The following LHFPL3 variants were observed in gnomAD, a reference collection of about 807,000 sequenced individuals.
LHFPL3 encodes LHFPL tetraspan subfamily member 3 protein.
Under a neutral mutation model 19.3 loss-of-function variants are expected in LHFPL3, and 5 were observed. The observed-to-expected ratio is 0.26, with a 90% CI of 0.14 to 0.54. The LOEUF is 0.54. LHFPL3 is among the 20% of genes least tolerant of loss of function. The pLI is 0.94. For missense variants in LHFPL3, 249 were observed against 307.4 expected (o/e 0.81, Z 1.42); for synonymous variants, 133 against 126.2 (o/e 1.05, Z -0.36).
At chr7:104,460,474 A>G (rs1261567419) in intron 1 of LHFPL3, among the ~76,000 whole-genome samples, 1 of 152,212 alleles carries the variant, frequency 6.6e-6, no homozygotes, top group Non-Finnish European at 1.5e-5. Context: ...CCAACAGTGT[A>G]TAAGTGTTCC....
Position 104,810,318 on chromosome 7 carries a change from A to G in LHFPL3, c.682+73407A>G, listed in dbSNP as rs201493995. On this transcript the variant is annotated intron_variant, in intron 2 of 2. Transcript: ENST00000424859. ...TTGGCATGATCAGACTGTGGCTCAG[A>G]AGGGTGGAAATCAAATTGAAAAAGC... Among the ~76,000 whole-genome samples the G allele has an allele frequency of 3.3e-4, 51 of 152,252 alleles. No homozygotes were observed. In the East Asian group the frequency reaches 5.4e-3, roughly 16 times the overall value.
chr7:104,408,864 C>CTTTCTTTTTTTTTT (rs1791475665), intron 1 of LHFPL3, among the ~76,000 whole-genome samples: 1 of 105,436 alleles, frequency 9.5e-6, no homozygotes, highest in African/African-American at 3.7e-5. Context: ...AATTTTCTTT[C>CTTTCTTTTTTTTTT]TTTTTTTTTT....
At chr7:104,811,175 CTT>C (rs749608427) in intron 2 of LHFPL3, among the ~76,000 whole-genome samples, 2 of 99,390 alleles carry the variant, frequency 2.0e-5, no homozygotes, top group African/African-American at 6.7e-5. Context: ...TCTTTCTTTT[CTT>C]TTCTTTTCTT....
intron 1 of LHFPL3, among the ~76,000 whole-genome samples, chr7:104,718,938 A>T (rs1443499330): frequency 6.6e-6 from 1 of 152,090 alleles, no homozygotes; most frequent in Non-Finnish European, 1.5e-5. Flanking sequence ...GAGAATGGTG[A>T]TCCTGTTCAT....
intron 2 of LHFPL3, among the ~76,000 whole-genome samples, chr7:104,817,587 C>A (rs1790579872): frequency 6.6e-6 from 1 of 152,196 alleles, no homozygotes; most frequent in Admixed American, 6.5e-5. Context: ...TGGTAGATAG[C>A]TGAGGACAAA....
intron 1 of LHFPL3, among the ~76,000 whole-genome samples, chr7:104,584,522 T>G (rs1384341990): frequency 6.6e-6 from 1 of 152,118 alleles, no homozygotes; most frequent in Admixed American, 6.6e-5. Context: ...TAGAGAAGTT[T>G]TGCCACAATT....
At chr7:104,491,104 C>T (rs1195874597) in intron 1 of LHFPL3, among the ~76,000 whole-genome samples, 1 of 152,116 alleles carries the variant, frequency 6.6e-6, no homozygotes, top group Non-Finnish European at 1.5e-5. Flanking sequence ...CCATGGGCCT[C>T]AGTCCAACTA....
intron 2 of LHFPL3, among the ~76,000 whole-genome samples, chr7:104,799,078 T>C (rs748734903): frequency 6.6e-6 from 1 of 152,228 alleles, no homozygotes; most frequent in Non-Finnish European, 1.5e-5. Context: ...GCAGAATACC[T>C]GTGTAATTTT....
chr7:104,440,166 T>G (rs1792194906), intron 1 of LHFPL3, among the ~76,000 whole-genome samples: 1 of 151,110 alleles, frequency 6.6e-6, no homozygotes, highest in South Asian at 2.1e-4. Context: ...ACCCTAAAAC[T>G]TAAAGTATAA....
chr7:104,887,212 A>G (rs1243338945), intron 2 of LHFPL3, among the ~76,000 whole-genome samples: 2 of 152,224 alleles, frequency 1.3e-5, no homozygotes, highest in African/African-American at 4.8e-5. Flanking sequence ...CCTTGTAGGA[A>G]ATAACTGAAG....
At chr7:104,556,957 A>G (rs1175336374) in intron 1 of LHFPL3, among the ~76,000 whole-genome samples, 1 of 152,208 alleles carries the variant, frequency 6.6e-6, no homozygotes, top group Non-Finnish European at 1.5e-5. Flanking sequence ...TTGCTAAAAC[A>G]TAGCAAGAGC....
chr7:104,384,218 A>C (rs1161004613), intron 1 of LHFPL3, among the ~76,000 whole-genome samples: 3 of 152,206 alleles, frequency 2.0e-5, no homozygotes, highest in Non-Finnish European at 2.9e-5. Context: ...TATTAATTCC[A>C]AAAATTGAGA....
chr7:104,710,397 T>C (rs184361490), intron 1 of LHFPL3, among the ~76,000 whole-genome samples: 2 of 152,332 alleles, frequency 1.3e-5, no homozygotes, highest in Admixed American at 6.5e-5. Flanking sequence ...ATTAATTTTG[T>C]TTCAGACTTT....
intron 1 of LHFPL3, among the ~76,000 whole-genome samples, chr7:104,492,311 C>T (rs960784572): frequency 1.3e-5 from 2 of 152,160 alleles, no homozygotes; most frequent in Non-Finnish European, 2.9e-5. Flanking sequence ...AGAACGGTGG[C>T]ACTCTAAAGC....
At chr7:104,845,285 A>T in intron 2 of LHFPL3, 1 of 742,056 alleles carries the variant, frequency 1.3e-6, no homozygotes, top group Non-Finnish European at 2.4e-6. Context: ...TCAATGGAAT[A>T]GCCAGGAATG....
At chr7:104,374,426 G>A (rs1790670912) in intron 1 of LHFPL3, among the ~76,000 whole-genome samples, 1 of 152,116 alleles carries the variant, frequency 6.6e-6, no homozygotes, top group South Asian at 2.1e-4. Flanking sequence ...ATTTTTAGTA[G>A]AGACGGGGTT....
intron 1 of LHFPL3, among the ~76,000 whole-genome samples, chr7:104,600,447 C>T (rs1790941388): frequency 6.6e-6 from 1 of 152,196 alleles, no homozygotes; most frequent in Admixed American, 6.5e-5. Flanking sequence ...CTAATAGAAT[C>T]TTTACTGTTC....
intron 2 of LHFPL3, among the ~76,000 whole-genome samples, chr7:104,802,514 AAGAG>A (rs199754702): frequency 0.12 from 17,491 of 140,326 alleles, 1,222 homozygotes; most frequent in East Asian, 0.26. Context: ...AAAAAAAAAA[AAGAG>A]AGAGAGAGCA....
Position 104,585,480 on chromosome 7 carries a change from A to ACACACACACACACAC in LHFPL3, c.446-151195_446-151194insCACACACACACACAC, listed in dbSNP as rs1790551501. 9.6e-4 allele frequency among the ~76,000 whole-genome samples: 118 copies of ACACACACACACACAC among 123,458 alleles called. 1 individual carries two copies. The highest frequency in any genetic ancestry group is 4.4e-3 in the Middle Eastern group (1 of 228). The allele number at this position is 123,458 out of a possible 152,430, so 81.0% of individuals were successfully genotyped here. On this transcript the variant is annotated intron_variant, in intron 1 of 2. Coordinates refer to ENST00000424859, the MANE Select transcript of LHFPL3 (RefSeq NM_199000.3). Reference sequence around the variant, plus strand: ...AAAGTGGAATAAGGCAACACACACAAACACACACACACACACACACACACA... The same window carrying ACACACACACACACAC: ...AAAGTGGAATAAGGCAACACACACAACACACACACACACACACACACACACACACACACACACACA...
Sources: allele counts gnomAD v4.1 joint callset (sites outside exome capture counted in the v4.1 genomes callset), GRCh38; gene constraint gnomAD v4.1.1; transcripts MANE v1.5; gene names NCBI Gene and HGNC (gene_info 2026-07-23, HGNC 2026-07-21).